CPAMD8: variants seen among roughly 807,000 people sequenced by gnomAD.
CPAMD8 encodes the protein C3 and PZP like alpha-2-macroglobulin domain containing 8.
A neutral mutation model predicts 224.7 loss-of-function variants in CPAMD8; 146 were observed. The ratio of observed to expected loss-of-function variants is 0.65; its 90% confidence interval spans 0.57 to 0.75. The LOEUF is 0.75. CPAMD8 is among the 30% of genes least tolerant of loss of function. The probability of loss-of-function intolerance (pLI) is 0.00; values close to 1 mark genes in which losing one functional copy is unlikely to be tolerated. For missense variants in CPAMD8, 2,301 were observed against 2,537.5 expected (o/e 0.91, Z 2.00); for synonymous variants, 966 against 1,044.6 (o/e 0.92, Z 1.45).
intron 14 of CPAMD8, 30 bp downstream of exon 14, chr19:16,980,467 C>G (rs994462550): frequency 1.9e-6 from 3 of 1,600,528 alleles, no homozygotes; most frequent in Non-Finnish European, 2.6e-6. Flanking sequence ...GAAGGAAGAA[C>G]AGGAACCTTC....
At chr19:16,915,952 CTTTT>C (rs962640752) in intron 27 of CPAMD8, among the ~76,000 whole-genome samples, 3 of 146,970 alleles carry the variant, frequency 2.0e-5, no homozygotes, top group African/African-American at 5.1e-5. Flanking sequence ...TTCTTTCCTA[CTTTT>C]CTTTCTTGAT....
chr19:16,896,382 C>G (rs1289960360), intron 40 of CPAMD8, 56 bp from the exon 41 acceptor site: 1 of 1,529,774 alleles, frequency 6.5e-7, no homozygotes, highest in Non-Finnish European at 8.8e-7. Context: ...ACCCAAGGGC[C>G]GAGGGGAGGA....
chr19:16,957,438 G>A (rs545569587), intron 19 of CPAMD8: 20 of 161,598 alleles, frequency 1.2e-4, no homozygotes, highest in South Asian at 3.8e-4. Flanking sequence ...AGAACTAAAC[G>A]GGGAAAAATG....
intron 18 of CPAMD8, among the ~76,000 whole-genome samples, chr19:16,960,159 C>G (rs1276308337): frequency 1.3e-5 from 2 of 151,980 alleles, no homozygotes; most frequent in Non-Finnish European, 2.9e-5. Flanking sequence ...CTTGTTTGAG[C>G]CTCAGAAGCC....
intron 8 of CPAMD8, 126 bp from the exon 9 acceptor site, chr19:17,002,476 C>T (rs932591302): frequency 1.5e-4 from 93 of 628,894 alleles, no homozygotes; most frequent in Non-Finnish European, 2.5e-4. Flanking sequence ...ACACTGTACC[C>T]ATCCACACCA....
At chr19:16,904,191 C>A in intron 32 of CPAMD8, 35 bp downstream of exon 32, 2 of 1,504,186 alleles carry the variant, frequency 1.3e-6, no homozygotes, top group Non-Finnish European at 9.1e-7. Flanking sequence ...ACCCACCCAG[C>A]CCTGAGCCCC....
chr19:16,938,255 C>T, intron 23 of CPAMD8, 140 bp downstream of exon 23: 1 of 542,318 alleles, frequency 1.8e-6, no homozygotes, highest in Non-Finnish European at 3.2e-6. Flanking sequence ...TCTTCCTAAA[C>T]CACAGTGCCC....
chr19:16,978,281 G>C (rs550983885), intron 14 of CPAMD8, among the ~76,000 whole-genome samples: 15 of 152,158 alleles, frequency 9.9e-5, no homozygotes, highest in Admixed American at 6.5e-4. Flanking sequence ...CTAGGCAATG[G>C]GAAAGTCCCT....
intron 20 of CPAMD8, among the ~76,000 whole-genome samples, chr19:16,950,482 A>G (rs2054263087): frequency 6.6e-6 from 1 of 151,960 alleles, no homozygotes; most frequent in Non-Finnish European, 1.5e-5. Context: ...ACAAGCCACC[A>G]GAAGCCAAGA....
intron 2 of CPAMD8, 105 bp downstream of exon 2, chr19:17,021,925 A>C: frequency 1.6e-6 from 1 of 633,022 alleles, no homozygotes; most frequent in Non-Finnish European, 2.4e-6. Flanking sequence ...TTTAGGGCAG[A>C]AGGGAAGCAA....
In CPAMD8 at chr19:16,985,792, A is replaced by G. The variant is rs192503367; in HGVS notation, c.1395+3851T>C. Among the ~76,000 whole-genome samples, 28 of 149,878 alleles carry G rather than the reference A, an allele frequency of 1.9e-4. No homozygotes were observed. In the East Asian group the frequency reaches 5.2e-3, roughly 28 times the overall value. On this transcript the variant is annotated intron_variant, in intron 13 of 41. Transcript: ENST00000443236. ...GAATGAATGGAGGGAGAGAGGATAG[A>G]TGGATGGAGGGATGAAGAGAGGGAC...
chr19:16,951,074 C>G (rs549074336), intron 20 of CPAMD8, among the ~76,000 whole-genome samples: 1 of 152,122 alleles, frequency 6.6e-6, no homozygotes, highest in Non-Finnish European at 1.5e-5. Flanking sequence ...ATAATATCAT[C>G]GAAAAACAGC....
At chr19:16,909,046 G>T (rs1040559921) in intron 29 of CPAMD8, among the ~76,000 whole-genome samples, 1 of 152,184 alleles carries the variant, frequency 6.6e-6, no homozygotes, top group African/African-American at 2.4e-5. Context: ...AAGGGGTCAA[G>T]GTCATTTGCT....
intron 3 of CPAMD8, among the ~76,000 whole-genome samples, chr19:17,019,451 T>C (rs1275024277): frequency 6.6e-6 from 1 of 152,014 alleles, no homozygotes; most frequent in Non-Finnish European, 1.5e-5. Flanking sequence ...ACTGAAACTA[T>C]GAAAAGAAAA....
intron 26 of CPAMD8, among the ~76,000 whole-genome samples, chr19:16,922,722 A>T (rs2053224064): frequency 6.6e-6 from 1 of 151,348 alleles, no homozygotes; most frequent in Admixed American, 6.6e-5. Flanking sequence ...ACTGCTCCAC[A>T]CATCTGGGGT....
At chr19:16,927,405 CTG>C (rs946070009) in intron 25 of CPAMD8, among the ~76,000 whole-genome samples, 5 of 152,120 alleles carry the variant, frequency 3.3e-5, no homozygotes, top group African/African-American at 9.7e-5. Context: ...CCACGTGAAA[CTG>C]TGAGTCAATT....
rs754265681 is a variant in CPAMD8, at chr19:16,952,027, C to T, written c.2450G>A (p.Arg817His). The change falls in exon 20 of 42, where the codon CGT becomes CAT. Residue 817 changes from arginine to histidine, a missense_variant. This residue lies in a region of CPAMD8 where 1,709 missense variants were observed against 1,753.2 expected (regional missense o/e 0.97). Transcript: ENST00000443236. ...GAGCGGGATCTTGACCTGCTCCCCA[C>T]GGATGATGAGAGCGGGGAGCATGAA... The part of the protein sequence containing the change: ...VDFMLPALII[R>H]GEQVKIPLSV... 1.8e-5 allele frequency: 29 copies of T among 1,585,322 alleles called. No homozygotes were observed. Among genetic ancestry groups the T allele is most frequent in the South Asian group, 1.7e-4 (15 of 87,244 alleles).
intron 6 of CPAMD8, 56 bp downstream of exon 6, chr19:17,009,247 G>A: frequency 6.2e-7 from 1 of 1,613,818 alleles, no homozygotes; most frequent in Non-Finnish European, 8.5e-7. Flanking sequence ...AGATCTTGCA[G>A]AAGGTGGGCT....
rs867321754 is a variant in CPAMD8 at position 17,026,551 on chromosome 19, G to C, written c.92C>G (p.Pro31Arg). 2.4e-5 allele frequency: 36 copies of C among 1,513,864 alleles called. No homozygotes were observed. Among genetic ancestry groups the C allele is most frequent in the Non-Finnish European group, 2.9e-5 (33 of 1,140,564 alleles). 93.8% of individuals were successfully genotyped at this position (1,513,864 alleles called of 1,614,324 possible). Residue 31 changes from proline to arginine, a missense_variant and splice_region_variant, in exon 1 of 42, where the codon CCG (proline) becomes CGG (arginine). Coordinates refer to ENST00000443236, the MANE Select transcript of CPAMD8 (RefSeq NM_015692.5). ...TCCTCTGTCGCCGGAGGATACTCAC[G>C]GGGCCTGAGGCTGCGCGGCGCGCAC... ...DGVRAAQPQA[P>R]GYLIAAPSVF...
Sources: gnomAD v4.1 joint callset for allele counts (sites outside exome capture counted in the v4.1 genomes callset) on GRCh38, gnomAD v4.1.1 for gene constraint, gnomAD v4.1.1 regional missense constraint, MANE v1.5 for transcripts, NCBI Gene and HGNC (gene_info 2026-07-23, HGNC 2026-07-21) for gene names.